RSU1: variants seen among roughly 807,000 people sequenced by gnomAD.
The protein encoded by RSU1 is Ras suppressor protein 1, also known as rsu-1.
Under a neutral mutation model 31.1 loss-of-function variants are expected in RSU1, and 26 were observed. The observed-to-expected ratio is 0.84, with a 90% CI of 0.61 to 1.16. RSU1 has a LOEUF of 1.16. Among genes scored for constraint, RSU1 ranks in the 50% most tolerant of loss-of-function variants. The pLI is 0.00. For missense variants in RSU1, 320 were observed against 339.1 expected (o/e 0.94, Z 0.44); for synonymous variants, 164 against 136.3 (o/e 1.20, Z -1.41).
At chr10:16,686,157 C>A (rs1835436285) in intron 8 of RSU1, among the ~76,000 whole-genome samples, 1 of 152,090 alleles carries the variant, frequency 6.6e-6, no homozygotes, top group Admixed American at 6.5e-5. Flanking sequence ...TCCAACAATG[C>A]CTGGCCAGGA....
intron 2 of RSU1, among the ~76,000 whole-genome samples, chr10:16,783,736 C>G (rs1007182021): frequency 6.6e-6 from 1 of 151,970 alleles, no homozygotes; most frequent in Non-Finnish European, 1.5e-5. Flanking sequence ...ATACAAAAAC[C>G]TGTTTTCCCA....
chr10:16,751,408 G>A (rs1013854814), intron 7 of RSU1, among the ~76,000 whole-genome samples: 3 of 152,158 alleles, frequency 2.0e-5, no homozygotes, highest in Non-Finnish European at 2.9e-5. Flanking sequence ...GCTGGTCCAC[G>A]AAATCACGTG....
At chr10:16,696,803 C>T (rs914839235) in intron 7 of RSU1, among the ~76,000 whole-genome samples, 22 of 151,916 alleles carry the variant, frequency 1.4e-4, no homozygotes, top group Admixed American at 1.1e-3. Context: ...AGTATCTCAC[C>T]TGGGTTTCAT....
chr10:16,700,984 T>C (rs960823832), intron 7 of RSU1, among the ~76,000 whole-genome samples: 2 of 152,208 alleles, frequency 1.3e-5, no homozygotes, highest in Non-Finnish European at 2.9e-5. Flanking sequence ...TAAATGTTTA[T>C]GTGTAAAAGA....
chr10:16,735,412 G>C (rs931711497), intron 7 of RSU1, among the ~76,000 whole-genome samples: 15 of 152,162 alleles, frequency 9.9e-5, no homozygotes, highest in African/African-American at 2.2e-4. Flanking sequence ...GGTAAGAAAA[G>C]AGCAGAAAAA....
intron 7 of RSU1, among the ~76,000 whole-genome samples, chr10:16,703,453 G>A (rs143988277): frequency 2.1e-3 from 320 of 152,212 alleles, no homozygotes; most frequent in African/African-American, 5.1e-3. Flanking sequence ...AAATTTATGC[G>A]GAGGAAATAA....
chr10:16,663,883 T>A lies in RSU1; in HGVS notation c.731+31140A>T, dbSNP rs113709960. Among the ~76,000 whole-genome samples the A allele has an allele frequency of 6.2e-3, 937 of 152,194 alleles. 8 individuals carry two copies. Among genetic ancestry groups the A allele is most frequent in the African/African-American group, 0.021 (887 of 41,520 alleles). ...AGACTGCCCTTTGGTGACAGGTGGGTCCCAGAGCCAGGAGCAGGTAGTGCC... is the reference window on the plus strand; with the variant it reads ...AGACTGCCCTTTGGTGACAGGTGGGACCCAGAGCCAGGAGCAGGTAGTGCC... On this transcript the variant is annotated intron_variant, in intron 8 of 8. Coordinates refer to ENST00000345264, the MANE Select transcript of RSU1 (RefSeq NM_012425.4).
At chr10:16,714,391 C>A (rs569513759) in intron 7 of RSU1, among the ~76,000 whole-genome samples, 1 of 152,172 alleles carries the variant, frequency 6.6e-6, no homozygotes, top group Middle Eastern at 3.2e-3. Context: ...TGCTACTGGA[C>A]CAGCTGTCAG....
intron 2 of RSU1, among the ~76,000 whole-genome samples, chr10:16,803,772 C>T (rs1838210653): frequency 1.3e-5 from 2 of 152,128 alleles, no homozygotes. Flanking sequence ...AGATGGACAT[C>T]AACACACACA....
chr10:16,612,305 C>T (rs536840718), intron 8 of RSU1, among the ~76,000 whole-genome samples: 2 of 152,270 alleles, frequency 1.3e-5, no homozygotes, highest in South Asian at 2.1e-4. Flanking sequence ...AAGGAGGAGG[C>T]CTTGGATATG....
chr10:16,702,905 G>A (rs971226740), intron 7 of RSU1, among the ~76,000 whole-genome samples: 2 of 152,176 alleles, frequency 1.3e-5, no homozygotes, highest in Admixed American at 6.5e-5. Flanking sequence ...GTCACAGATC[G>A]AACTGCAAAC....
intron 2 of RSU1, among the ~76,000 whole-genome samples, chr10:16,800,374 G>A (rs1301061586): frequency 6.6e-6 from 1 of 152,202 alleles, no homozygotes; most frequent in Non-Finnish European, 1.5e-5. Flanking sequence ...GGTAATGTCA[G>A]CAGAGACAAA....
chr10:16,618,472 C>T (rs1030745797), intron 8 of RSU1, among the ~76,000 whole-genome samples: 7 of 152,218 alleles, frequency 4.6e-5, no homozygotes, highest in Middle Eastern at 3.2e-3. Flanking sequence ...AATCCCATTA[C>T]TGGGTATATA....
chr10:16,739,784 T>C (rs1340775640), intron 7 of RSU1, among the ~76,000 whole-genome samples: 5 of 152,106 alleles, frequency 3.3e-5, no homozygotes, highest in Admixed American at 2.6e-4. Context: ...GCTAATTTTG[T>C]ATTTTTTGTT....
At chr10:16,700,430 G>A (rs1014653096) in intron 7 of RSU1, among the ~76,000 whole-genome samples, 6 of 152,008 alleles carry the variant, frequency 3.9e-5, no homozygotes, top group African/African-American at 1.5e-4. Context: ...AGAAAGGATC[G>A]AGATGGGACA....
intron 8 of RSU1, among the ~76,000 whole-genome samples, chr10:16,635,715 C>T (rs1834333722): frequency 6.6e-6 from 1 of 152,262 alleles, no homozygotes; most frequent in Admixed American, 6.5e-5. Context: ...CTTAACCCTA[C>T]ATCCTCTTCC....
intron 8 of RSU1, among the ~76,000 whole-genome samples, chr10:16,604,544 C>T (rs142847093): frequency 1.7e-4 from 26 of 152,230 alleles, no homozygotes; most frequent in Admixed American, 1.4e-3. Context: ...TACCTTCTGC[C>T]GCGACCCTCC....
intron 8 of RSU1, among the ~76,000 whole-genome samples, chr10:16,683,274 T>G (rs1277334374): frequency 1.3e-5 from 2 of 151,944 alleles, no homozygotes; most frequent in Non-Finnish European, 2.9e-5. Context: ...GTGTAGAGGC[T>G]ACAGATGAAG....
intron 8 of RSU1, among the ~76,000 whole-genome samples, chr10:16,652,409 A>AC (rs1408182916): frequency 1.3e-5 from 2 of 151,356 alleles, no homozygotes; most frequent in Non-Finnish European, 2.9e-5. Flanking sequence ...AAAAAAAAAA[A>AC]AAACCCGAGA....
Sources: allele counts gnomAD v4.1 joint callset (sites outside exome capture counted in the v4.1 genomes callset), GRCh38; gene constraint gnomAD v4.1.1; transcripts MANE v1.5; gene names NCBI Gene and HGNC (gene_info 2026-07-23, HGNC 2026-07-21).